SPATA31D1: variants seen among roughly 807,000 people sequenced by gnomAD.
SPATA31D1 encodes SPATA31 subfamily D member 1.
Under a neutral mutation model 13.2 loss-of-function variants are expected in SPATA31D1, and 6 were observed. The observed-to-expected ratio is 0.46, with a 90% CI of 0.25 to 0.90. SPATA31D1 has a LOEUF of 0.90. Ranked by LOEUF, SPATA31D1 falls within the 40% of genes least tolerant of loss-of-function variation. The pLI is 0.18. For missense variants in SPATA31D1, 2,445 were observed against 1,884.7 expected (o/e 1.30, Z -5.50); for synonymous variants, 903 against 718.8 (o/e 1.26, Z -4.10).
chr9:81,994,637 T>C lies in SPATA31D1; in HGVS notation c.4167T>C (p.Gly1389=), dbSNP rs747168624. The change falls in exon 4 of 4, where the codon GGT becomes GGC. Residue 1389 remains glycine (G), a synonymous_variant. Coordinates refer to ENST00000344803, the MANE Select transcript of SPATA31D1 (RefSeq NM_001001670.3). ...SSLSSCVQNI[G]RVIRAAFTGT... ...TGTCATCATGTGTGCAGAATATTGG[T>C]CGAGTTATAAGAGCTGCCTTTACTG... 3.7e-6 allele frequency: 6 copies of C among 1,613,260 alleles called. No individual in the cohort carries two copies. In the South Asian group the frequency reaches 6.6e-5, roughly 18 times the overall value.
intron 2 of SPATA31D1, 118 bp downstream of exon 2, chr9:81,989,941 G>C: frequency 1.7e-6 from 2 of 1,173,726 alleles, no homozygotes; most frequent in East Asian, 2.6e-5. Context: ...AGAAAACAGA[G>C]CCCTCAGAAG....
Position 81,993,234 on chromosome 9 carries a change from G to A in SPATA31D1, c.2764G>A (p.Val922Ile). ...GATGCTGTGGGGCCTTCCCCTCAAG[G>A]TCCTTGAATCCATAGAAATCTTCAA... ...MRMLWGLPLKVLESIEIFKSK... is the reference protein window; with the variant it reads ...MRMLWGLPLKILESIEIFKSK... Residue 922 changes from valine to isoleucine, a missense_variant, in exon 4 of 4, where the codon GTC (valine) becomes ATC (isoleucine). Coordinates refer to ENST00000344803, the MANE Select transcript of SPATA31D1 (RefSeq NM_001001670.3). The A allele has an allele frequency of 1.2e-6, 2 of 1,613,930 alleles. No homozygotes were observed. The highest frequency in any genetic ancestry group is 1.7e-6 in the Non-Finnish European group (2 of 1,179,882).
rs556880034 is a variant in SPATA31D1, at chr9:81,994,700, G to A, written c.4230G>A (p.Arg1410=). 1.9e-6 allele frequency: 3 copies of A among 1,613,718 alleles called. No individual in the cohort carries two copies. The highest frequency in any genetic ancestry group is 2.2e-5 in the South Asian group (2 of 91,058). Residue 1410 remains arginine, a synonymous_variant, in exon 4 of 4, where the codon AGG becomes AGA. Coordinates refer to ENST00000344803, the MANE Select transcript of SPATA31D1 (RefSeq NM_001001670.3). ...TEAQKIRKDT[R]EFLEEKLGHR... ...CTCAGAAAATTAGGAAAGACACTAG[G>A]GAGTTCCTAGAAGAGAAGCTGGGGC...
Position 81,994,610 on chromosome 9 carries a change from CCT to C in SPATA31D1, c.4141_4142del (p.Leu1381ValfsTer20). On this transcript the variant is annotated frameshift_variant, in exon 4 of 4. Coordinates refer to ENST00000344803, the MANE Select transcript of SPATA31D1 (RefSeq NM_001001670.3). LOFTEE classifies it low-confidence loss of function (END_TRUNC). The part of the protein sequence containing the change: ...QESSWEKGSS[L>X]SSCVQNIGRV... The stretch of plus-strand genomic sequence containing the variant: ...AAAGTTCCTGGGAAAAGGGTAGCTC[CCT>C]GTCATCATGTGTGCAGAATATTGGT... 6.2e-7 allele frequency: 1 copy of C among 1,613,036 alleles called. No homozygotes were observed. The highest frequency in any genetic ancestry group is 8.5e-7 in the Non-Finnish European group (1 of 1,179,458).
In SPATA31D1 at chr9:81,993,432, CCT is replaced by C; in HGVS notation, c.2963_2964del (p.Pro988ArgfsTer19). The C allele has an allele frequency of 6.2e-7, 1 of 1,613,902 alleles. No individual in the cohort carries two copies. Among genetic ancestry groups the C allele is most frequent in the Non-Finnish European group, 8.5e-7 (1 of 1,179,878 alleles). On this transcript the variant is annotated frameshift_variant, in exon 4 of 4. Transcript: ENST00000344803. LOFTEE classifies it low-confidence loss of function (END_TRUNC). ...AGTCCCCATCCTTGATCGTCCTCAC[CCT>C]GTCTCCTCACCTGTCGTCCAAGAAG... ...SSVPILDRPH[P>X]VSSPVVQEGQ...
rs770516114 is a variant in SPATA31D1 at position 81,993,531 on chromosome 9, G to T, written c.3061G>T (p.Ala1021Ser). Reference sequence around the variant, plus strand: ...TATAGAGACAGATTCCAAAGACGGGGCCTCCACATCCCTTAGAAGAGGTAC... The same window carrying T: ...TATAGAGACAGATTCCAAAGACGGGTCCTCCACATCCCTTAGAAGAGGTAC... ...DLIETDSKDG[A>S]STSLRRGTTD... Residue 1021 changes from alanine to serine, a missense_variant, in exon 4 of 4, where the codon GCC (alanine) becomes TCC (serine). Coordinates refer to ENST00000344803, the MANE Select transcript of SPATA31D1 (RefSeq NM_001001670.3). 7.4e-6 allele frequency: 12 copies of T among 1,613,874 alleles called. No homozygotes were observed. The highest frequency in any genetic ancestry group is 1.0e-5 in the Non-Finnish European group (12 of 1,179,866).
At position 81,989,960 on chromosome 9, in the gene SPATA31D1, A is replaced by G. The variant is rs138442670; in HGVS notation, c.232+137A>G. 34 of 977,420 alleles carry G rather than the reference A, an allele frequency of 3.5e-5. No individual in the cohort carries two copies. The African/African-American group carries it at 4.1e-4, about 12-fold the overall frequency. 60.5% of individuals were successfully genotyped at this position (977,420 alleles called of 1,614,324 possible). On this transcript the variant is annotated intron_variant, in intron 2 of 3. Transcript: ENST00000344803. Reference sequence around the variant, plus strand: ...AACAGAGCCCTCAGAAGACAGGCTCATGGGAAAGCAATCAGACCTGAGACA... The same window carrying G: ...AACAGAGCCCTCAGAAGACAGGCTCGTGGGAAAGCAATCAGACCTGAGACA...
rs769372029 is a variant in SPATA31D1, at chr9:81,992,379, T to C, written c.1909T>C (p.Trp637Arg). 8 of 1,613,690 alleles carry C rather than the reference T, an allele frequency of 5.0e-6. No individual in the cohort carries two copies. In the South Asian group the frequency reaches 7.7e-5, roughly 16 times the overall value. ...NVLQKVQESL[W>R]GLPSVVQKSQ... is the part of the protein sequence containing the mutation. ...GTTGCAGAAAGTGCAGGAAAGTTTG[T>C]GGGGCTTACCCTCTGTGGTTCAAAA... Residue 637 changes from tryptophan to arginine, a missense_variant, in exon 4 of 4, where the codon TGG becomes CGG. Transcript: ENST00000344803.
chr9:81,989,835 C>T lies in SPATA31D1; in HGVS notation c.232+12C>T. ...TGGGACATTCAAAGGTAATGTCAGC[C>T]TGCTCTATCTGAGCTTCAGGGGTGA... is the stretch of plus-strand genomic sequence containing the variant. On this transcript the variant is annotated intron_variant, in intron 2 of 3. Transcript: ENST00000344803. The T allele has an allele frequency of 6.2e-7, 1 of 1,613,284 alleles. No individual in the cohort carries two copies. The highest frequency in any genetic ancestry group is 8.5e-7 in the Non-Finnish European group (1 of 1,179,458).
chr9:81,992,553 C>G lies in SPATA31D1; in HGVS notation c.2083C>G (p.Leu695Val). Reference sequence around the variant, plus strand: ...ACTAGAGCAACACATTCGAAGGAGGCTCATCCAGCGCAGATGGGGCCTGCC... The same window carrying G: ...ACTAGAGCAACACATTCGAAGGAGGGTCATCCAGCGCAGATGGGGCCTGCC... ...KKLEQHIRRR[L>V]IQRRWGLPRR... The change falls in exon 4 of 4, where the codon CTC (leucine) becomes GTC (valine). Residue 695 changes from leucine (L) to valine (V), a missense_variant. Physicochemically the swap from Leu to Val is conservative, Grantham distance 32 (BLOSUM62 1). Transcript: ENST00000344803. The G allele has an allele frequency of 1.2e-6, 2 of 1,611,978 alleles. No individual in the cohort carries two copies. The highest frequency in any genetic ancestry group is 1.7e-6 in the Non-Finnish European group (2 of 1,179,726).
Position 81,991,430 on chromosome 9 carries a change from C to G in SPATA31D1, c.960C>G (p.Ile320Met). 1 of 1,614,062 alleles carries G rather than the reference C, an allele frequency of 6.2e-7. No individual in the cohort carries two copies. The highest frequency in any genetic ancestry group is 1.3e-5 in the African/African-American group (1 of 75,070). ...TVTQSKSSLT[I>M]LKTFPEMLSL... is the part of the protein sequence containing the mutation. Reference sequence around the variant, plus strand: ...CTCAGTCTAAATCAAGTCTCACCATCTTGAAGACTTTTCCGGAAATGTTAT... The same window carrying G: ...CTCAGTCTAAATCAAGTCTCACCATGTTGAAGACTTTTCCGGAAATGTTAT... The change falls in exon 4 of 4, where the codon ATC becomes ATG. Residue 320 changes from isoleucine (I) to methionine (M), a missense_variant. By Grantham distance (10) the Ile-to-Met change is conservative. Coordinates refer to ENST00000344803, the MANE Select transcript of SPATA31D1 (RefSeq NM_001001670.3).
At position 81,992,054 on chromosome 9, in the gene SPATA31D1, G is replaced by A; in HGVS notation, c.1584G>A (p.Met528Ile). The A allele has an allele frequency of 1.2e-6, 2 of 1,613,682 alleles. No homozygotes were observed. The highest frequency in any genetic ancestry group is 1.7e-6 in the Non-Finnish European group (2 of 1,179,724). The change falls in exon 4 of 4, where the codon ATG (methionine) becomes ATA (isoleucine). Residue 528 changes from methionine (M) to isoleucine (I), a missense_variant. Met to Ile is a conservative substitution (Grantham distance 10). Transcript: ENST00000344803. ...TTGTCCAACGTGGCCATTCCTCCAT[G>A]TTTGTATTCTTCAATGGCATTACAA... Reference protein sequence around the residue: ...TVLVQRGHSSMFVFFNGITNT... With the variant: ...TVLVQRGHSSIFVFFNGITNT...
rs773628948 is a variant in SPATA31D1 at position 81,995,135 on chromosome 9, T to C, written c.4665T>C (p.Pro1555=). ...SAKSPVFSDV[P]FLTGQKMLPK... is the part of the protein sequence containing the mutation. ...AAAGCCCTGTGTTTAGTGATGTGCCTTTCCTAACTGGACAGAAAATGCTTC... is the reference window on the plus strand; with the variant it reads ...AAAGCCCTGTGTTTAGTGATGTGCCCTTCCTAACTGGACAGAAAATGCTTC... The change falls in exon 4 of 4, where the codon CCT becomes CCC. Residue 1555 remains proline (P), a synonymous_variant. Transcript: ENST00000344803. The C allele has an allele frequency of 5.8e-5, 93 of 1,597,758 alleles. No homozygotes were observed. Among genetic ancestry groups the C allele is most frequent in the Non-Finnish European group, 7.9e-5 (92 of 1,171,518 alleles).
In SPATA31D1 at chr9:81,993,010, C is replaced by T. The variant is rs1157865304; in HGVS notation, c.2540C>T (p.Pro847Leu). Residue 847 changes from proline to leucine, a missense_variant, in exon 4 of 4, where the codon CCT becomes CTT. Physicochemically the swap from Pro to Leu is moderately conservative, Grantham distance 98. Coordinates refer to ENST00000344803, the MANE Select transcript of SPATA31D1 (RefSeq NM_001001670.3). ...GAGGAAATCAATGAGGGTCGAATGC[C>T]TGGGACTGTGCATAGTTCATGGCAC... ...KFEEINEGRM[P>L]GTVHSSWHSV... The T allele has an allele frequency of 2.5e-6, 4 of 1,613,746 alleles. No individual in the cohort carries two copies. Among genetic ancestry groups the T allele is most frequent in the East Asian group, 4.5e-5 (2 of 44,862 alleles).
Position 81,989,703 on chromosome 9 carries a change from T to A in SPATA31D1, c.187-75T>A, listed in dbSNP as rs1228205764. On this transcript the variant is annotated intron_variant, in intron 1 of 3. Coordinates refer to ENST00000344803, the MANE Select transcript of SPATA31D1 (RefSeq NM_001001670.3). ...CTTGTATAATGAATGAATGAATGAA[T>A]GAATGAATGAATGAGCTTCATAGAG... 8.8e-5 allele frequency: 128 copies of A among 1,449,116 alleles called. No individual in the cohort carries two copies. The East Asian group carries it at 2.9e-3, about 32-fold the overall frequency. The allele number at this position is 1,449,116 out of a possible 1,614,324, so 89.8% of individuals were successfully genotyped here. A position where few individuals can be genotyped will look rare whatever the true frequency, so the allele number is the denominator to read the frequency against.
upstream of SPATA31D1, among the ~76,000 whole-genome samples, chr9:81,987,544 G>C (rs1824877868): frequency 6.6e-6 from 1 of 152,082 alleles, no homozygotes; most frequent in South Asian, 2.1e-4. Context: ...AGGTCGATGT[G>C]TATGTGTGTT....
Position 81,993,592 on chromosome 9 carries a change from G to T in SPATA31D1, c.3122G>T (p.Ser1041Ile), listed in dbSNP as rs148202358. The T allele has an allele frequency of 1.2e-6, 2 of 1,613,872 alleles. No homozygotes were observed. Among genetic ancestry groups the T allele is most frequent in the Non-Finnish European group, 1.7e-6 (2 of 1,179,862 alleles). ...CAAAGCGAAAAATTAGATTCAACAA[G>T]CTCATTCCCCATCCTCGGTCATTCT... ...DFQSEKLDST[S>I]SFPILGHSYL... The change falls in exon 4 of 4, where the codon AGC becomes ATC. Residue 1041 changes from serine to isoleucine, a missense_variant. Physicochemically the swap from Ser to Ile is moderately radical, Grantham distance 142. Coordinates refer to ENST00000344803, the MANE Select transcript of SPATA31D1 (RefSeq NM_001001670.3).
chr9:81,994,550 G>C lies in SPATA31D1; in HGVS notation c.4080G>C (p.Trp1360Cys). The change falls in exon 4 of 4, where the codon TGG becomes TGC. Residue 1360 changes from tryptophan (W) to cysteine (C), a missense_variant. Coordinates refer to ENST00000344803, the MANE Select transcript of SPATA31D1 (RefSeq NM_001001670.3). ...AATGGATGAAGACCTCTTTGCAGTG[G>C]TTTAATAAACCCAGCATATCATATG... ...FRKWMKTSLQ[W>C]FNKPSISYEE... 6.2e-7 allele frequency: 1 copy of C among 1,613,272 alleles called. No individual in the cohort carries two copies. Among genetic ancestry groups the C allele is most frequent in the Admixed American group, 1.7e-5 (1 of 59,916 alleles).
In SPATA31D1 at chr9:81,991,036, G is replaced by A. The variant is rs34585554; in HGVS notation, c.566G>A (p.Arg189Gln). Residue 189 changes from arginine (R) to glutamine (Q), a missense_variant, in exon 4 of 4, where the codon CGG (arginine) becomes CAG (glutamine). By Grantham distance (43) the Arg-to-Gln change is conservative. Coordinates refer to ENST00000344803, the MANE Select transcript of SPATA31D1 (RefSeq NM_001001670.3). ...CCAGAAGACCTAATACTGTCCCCTC[G>A]GCCTAAGGCCTCTCCACCACCCCCC... is the stretch of plus-strand genomic sequence containing the variant. ...TPPEDLILSP[R>Q]PKASPPPPLI... 234 of 1,613,148 alleles carry A rather than the reference G, an allele frequency of 1.5e-4. No homozygotes were observed. The highest frequency in any genetic ancestry group is 1.8e-4 in the Non-Finnish European group (214 of 1,179,668).
Sources: allele counts gnomAD v4.1 joint callset (sites outside exome capture counted in the v4.1 genomes callset), GRCh38; gene constraint gnomAD v4.1.1; transcripts MANE v1.5; gene names NCBI Gene and HGNC (gene_info 2026-07-23, HGNC 2026-07-21).